Variants in SMARCAD1 observed in about 807,000 individuals in gnomAD.
The protein encoded by SMARCAD1 is SWI/SNF-related matrix-associated actin-dependent regulator of chromatin subfamily A containing DEAD/H box 1.
Under a neutral mutation model 127.1 loss-of-function variants are expected in SMARCAD1, and 25 were observed. The observed-to-expected ratio is 0.20, with a 90% confidence interval of 0.14 to 0.27. The LOEUF is 0.27. Among genes scored for constraint, SMARCAD1 ranks in the 10% least tolerant of loss-of-function variants. The probability of loss-of-function intolerance (pLI) is 1.00; values close to 1 mark genes in which losing one functional copy is unlikely to be tolerated. For missense variants in SMARCAD1, 807 were observed against 1,206.0 expected (o/e 0.67, Z 4.90); for synonymous variants, 400 against 396.9 (o/e 1.01, Z -0.09).
At chr4:94,220,435 A>G (rs1266676697) in intron 2 of SMARCAD1, among the ~76,000 whole-genome samples, 1 of 152,044 alleles carries the variant, frequency 6.6e-6, no homozygotes, top group Non-Finnish European at 1.5e-5. Context: ...TTTAGTAGAC[A>G]CAGGGTTTCA....
chr4:94,241,106 ATTCC>A, intron 6 of SMARCAD1, 100 bp downstream of exon 6: 1 of 777,648 alleles, frequency 1.3e-6, no homozygotes, highest in Non-Finnish European at 2.2e-6. Context: ...ACCTAAATGA[ATTCC>A]TTTCTATCAC....
intron 11 of SMARCAD1, among the ~76,000 whole-genome samples, chr4:94,273,342 G>A (rs948605487): frequency 6.6e-6 from 1 of 152,090 alleles, no homozygotes; most frequent in Non-Finnish European, 1.5e-5. Flanking sequence ...TCCTTTCCAT[G>A]CAATGCAAAA....
At chr4:94,241,049 A>G (rs1384287555) in intron 6 of SMARCAD1, 43 bp downstream of exon 6, 8 of 1,386,574 alleles carry the variant, frequency 5.8e-6, no homozygotes, top group South Asian at 2.3e-5. Context: ...TGGCTGCTTA[A>G]GGTTAGGATA....
At chr4:94,227,524 G>T (rs1209013899) in intron 3 of SMARCAD1, among the ~76,000 whole-genome samples, 3 of 152,176 alleles carry the variant, frequency 2.0e-5, no homozygotes, top group Non-Finnish European at 4.4e-5. Flanking sequence ...CTTTGAAGAT[G>T]GAGCAAGAGA....
At chr4:94,261,483 A>T (rs1366641272) in intron 9 of SMARCAD1, among the ~76,000 whole-genome samples, 2 of 152,254 alleles carry the variant, frequency 1.3e-5, no homozygotes, top group Non-Finnish European at 2.9e-5. Flanking sequence ...TATGAATAAA[A>T]TTATACATTT....
chr4:94,212,480 C>T (rs1263590492), intron 2 of SMARCAD1, among the ~76,000 whole-genome samples: 1 of 148,502 alleles, frequency 6.7e-6, no homozygotes, highest in Non-Finnish European at 1.5e-5. Flanking sequence ...CAGCCCTATA[C>T]ATATTTATTT....
intron 2 of SMARCAD1, among the ~76,000 whole-genome samples, chr4:94,214,058 C>T (rs1036743048): frequency 6.6e-6 from 1 of 151,972 alleles, no homozygotes; most frequent in African/African-American, 2.4e-5. Flanking sequence ...GTAACAAATC[C>T]TGTAGAGAAG....
intron 6 of SMARCAD1, 37 bp from the exon 7 acceptor site, chr4:94,249,617 C>T: frequency 9.2e-7 from 1 of 1,085,762 alleles, no homozygotes; most frequent in East Asian, 2.4e-5. Flanking sequence ...TTATTGATAT[C>T]TCTTAAATTG....
intron 7 of SMARCAD1, 37 bp downstream of exon 7, chr4:94,249,792 C>T: frequency 1.7e-6 from 2 of 1,171,476 alleles, no homozygotes; most frequent in South Asian, 2.5e-5. Flanking sequence ...TCAGTGTGTA[C>T]TAAGTGTTTT....
In SMARCAD1 at chr4:94,276,447, T is replaced by C. The variant is rs760325435; in HGVS notation, c.1917T>C (p.Ile639=). The C allele has an allele frequency of 9.4e-5, 151 of 1,614,192 alleles. No individual in the cohort carries two copies. Among genetic ancestry groups the C allele is most frequent in the Admixed American group, 2.5e-4 (15 of 60,028 alleles). ...EGHMLKNMGS[I]RYQHLMTINA... ...ATATGCTGAAGAATATGGGCTCCAT[T>C]CGCTACCAGCACCTTATGACAATTA... Residue 639 remains isoleucine (I), a synonymous_variant, in exon 15 of 24, where the codon ATT becomes ATC. Coordinates refer to ENST00000354268, the MANE Select transcript of SMARCAD1 (RefSeq NM_020159.5).
Position 94,274,624 on chromosome 4 carries a change from A to G in SMARCAD1, c.1673-114A>G. On this transcript the variant is annotated intron_variant, in intron 12 of 23. Transcript: ENST00000354268. ...GAGCCACCTTGCTGGGCCAGTATTTACTTTTTATAAAAGACTGATTTCTGA... is the reference window on the plus strand; with the variant it reads ...GAGCCACCTTGCTGGGCCAGTATTTGCTTTTTATAAAAGACTGATTTCTGA... 7.7e-6 allele frequency: 8 copies of G among 1,038,152 alleles called. No homozygotes were observed. The South Asian group carries it at 1.0e-4, about 13-fold the overall frequency. The allele number at this position is 1,038,152 out of a possible 1,614,324, so 64.3% of individuals were successfully genotyped here.
At chr4:94,255,172 A>G (rs1749875937) in intron 9 of SMARCAD1, among the ~76,000 whole-genome samples, 1 of 152,086 alleles carries the variant, frequency 6.6e-6, no homozygotes. Flanking sequence ...TTTTAATGAA[A>G]ATTACAAGGT....
intron 9 of SMARCAD1, among the ~76,000 whole-genome samples, chr4:94,258,644 A>T (rs1186062755): frequency 6.6e-6 from 1 of 152,158 alleles, no homozygotes; most frequent in Non-Finnish European, 1.5e-5. Context: ...TTGTAAGTGC[A>T]TACTAGGTGA....
At chr4:94,242,669 T>C (rs1054816597) in intron 6 of SMARCAD1, among the ~76,000 whole-genome samples, 5 of 150,364 alleles carry the variant, frequency 3.3e-5, no homozygotes, top group African/African-American at 1.2e-4. Flanking sequence ...CTTGGGAGGC[T>C]GAGGCAGGAG....
chr4:94,218,709 G>T (rs1560512754), intron 2 of SMARCAD1, among the ~76,000 whole-genome samples: 1 of 151,956 alleles, frequency 6.6e-6, no homozygotes, highest in African/African-American at 2.4e-5. Flanking sequence ...CTTTTCTAGG[G>T]TATTTATTAG....
intron 5 of SMARCAD1, among the ~76,000 whole-genome samples, chr4:94,239,673 A>G (rs1747285814): frequency 6.6e-6 from 1 of 151,870 alleles, no homozygotes; most frequent in African/African-American, 2.4e-5. Flanking sequence ...CCCAGGCTCA[A>G]GTGATCCTCA....
In SMARCAD1 at chr4:94,285,086, C is replaced by A; in HGVS notation, c.3019+17C>A. On this transcript the variant is annotated intron_variant, in intron 23 of 23. Transcript: ENST00000354268. ...TAGATGAAGGTGAGTTGTTTGTAAG[C>A]AGAAACTTCAATATTTATCTATATG... is the stretch of plus-strand genomic sequence containing the variant. 1.4e-6 allele frequency: 2 copies of A among 1,472,124 alleles called. No homozygotes were observed. The highest frequency in any genetic ancestry group is 1.9e-6 in the Non-Finnish European group (2 of 1,065,246). 91.2% of individuals were successfully genotyped at this position (1,472,124 alleles called of 1,614,324 possible).
At chr4:94,226,972 G>A (rs1213047243) in intron 3 of SMARCAD1, among the ~76,000 whole-genome samples, 1 of 151,912 alleles carries the variant, frequency 6.6e-6, no homozygotes, top group African/African-American at 2.4e-5. Context: ...CCAAAGTGCT[G>A]GGATTACAGG....
chr4:94,255,621 TC>T (rs1749954743), intron 9 of SMARCAD1, among the ~76,000 whole-genome samples: 1 of 152,010 alleles, frequency 6.6e-6, no homozygotes, highest in African/African-American at 2.4e-5. Flanking sequence ...TAATCTAATT[TC>T]AGTAAGTTTA....
Sources: gnomAD v4.1 joint callset for allele counts (sites outside exome capture counted in the v4.1 genomes callset) on GRCh38, gnomAD v4.1.1 for gene constraint, MANE v1.5 for transcripts, NCBI Gene and HGNC (gene_info 2026-07-23, HGNC 2026-07-21) for gene names.